IL1RAPL1: variants seen among roughly 807,000 people sequenced by gnomAD.
IL1RAPL1 encodes interleukin-1 receptor accessory protein-like 1.
A neutral mutation model predicts 48.4 loss-of-function variants in IL1RAPL1; 3 were observed. The observed-to-expected ratio is 0.06, with a 90% CI of 0.03 to 0.16. The LOEUF (loss-of-function observed/expected upper bound fraction) is 0.16, where lower values mean the gene tolerates loss of function less well. Among genes scored for constraint, IL1RAPL1 ranks in the 10% least tolerant of loss-of-function variants. The pLI, the probability that IL1RAPL1 is intolerant of heterozygous loss-of-function variation, is 1.00. For missense variants in IL1RAPL1, 349 were observed against 530.6 expected (o/e 0.66, Z 3.36); for synonymous variants, 185 against 187.7 (o/e 0.99, Z 0.12).
Position 29,685,813 on chromosome X carries a change from C to T in IL1RAPL1, c.778+17309C>T, listed in dbSNP as rs72625538. ...CGGCCTGGCCAACATACTGAAACCCCGTCTCTACTAAAAATACAAAAATTA... is the reference window on the plus strand; with the variant it reads ...CGGCCTGGCCAACATACTGAAACCCTGTCTCTACTAAAAATACAAAAATTA... On this transcript the variant is annotated intron_variant, in intron 6 of 10. Transcript: ENST00000378993. Among the ~76,000 whole-genome samples, 394 of 108,116 alleles carry T rather than the reference C, an allele frequency of 3.6e-3. 17 individuals are homozygous for T. In the East Asian group the frequency reaches 0.11, roughly 30 times the overall value. 93.9% of individuals were successfully genotyped at this position (108,116 alleles called of 115,157 possible).
chrX:29,493,754 G>A (rs1232503488), intron 5 of IL1RAPL1, among the ~76,000 whole-genome samples: 1 of 111,274 alleles, frequency 9.0e-6, no homozygotes, highest in Non-Finnish European at 1.9e-5. Context: ...CTGAGGTTTG[G>A]GGTGTGAATG....
At chrX:29,236,545 C>CTTTTTTTT (rs754996544) in intron 2 of IL1RAPL1, among the ~76,000 whole-genome samples, 9 of 63,169 alleles carry the variant, frequency 1.4e-4, no homozygotes, top group Admixed American at 2.0e-4. Flanking sequence ...CTTTTTTTTT[C>CTTTTTTTT]TTTTTTTTTT....
At chrX:28,845,382 T>TA (rs759371930) in intron 2 of IL1RAPL1, among the ~76,000 whole-genome samples, 2,028 of 111,624 alleles carry the variant, frequency 0.018, 53 homozygotes, top group African/African-American at 0.063. Context: ...TTGTACGTAT[T>TA]AAAAAAATTT....
chrX:29,160,467 A>G (rs906303763), intron 2 of IL1RAPL1, among the ~76,000 whole-genome samples: 4 of 111,992 alleles, frequency 3.6e-5, no homozygotes, highest in Non-Finnish European at 7.5e-5. Context: ...TACTAAAACG[A>G]TAGTAATAAT....
chrX:29,288,388 C>A (rs985887507), intron 3 of IL1RAPL1, among the ~76,000 whole-genome samples: 1 of 111,387 alleles, frequency 9.0e-6, no homozygotes, highest in Non-Finnish European at 1.9e-5. Context: ...TCAGTTCCTA[C>A]TTATAAGCGA....
chrX:28,643,665 T>C (rs1203831811), intron 1 of IL1RAPL1, among the ~76,000 whole-genome samples: 2 of 111,586 alleles, frequency 1.8e-5, no homozygotes, highest in South Asian at 3.7e-4. Flanking sequence ...AGTAGCTAAG[T>C]AGAAACAAAT....
chrX:28,834,005 T>C (rs2147288140), intron 2 of IL1RAPL1, among the ~76,000 whole-genome samples: 1 of 112,418 alleles, frequency 8.9e-6, no homozygotes, highest in East Asian at 2.8e-4. Context: ...TCAAATTATT[T>C]ATTGAGGTGA....
At chrX:29,517,043 C>A (rs1935453170) in intron 5 of IL1RAPL1, among the ~76,000 whole-genome samples, 1 of 111,077 alleles carries the variant, frequency 9.0e-6, no homozygotes, top group African/African-American at 3.3e-5. Context: ...CAAATGTTTT[C>A]TCCCAACTTA....
intron 6 of IL1RAPL1, among the ~76,000 whole-genome samples, chrX:29,802,793 A>G (rs80136797): frequency 0.016 from 641 of 39,620 alleles, 12 homozygotes; most frequent in African/African-American, 0.038. Context: ...GTGTGTGTGT[A>G]TATATATATA....
chrX:29,476,869 A>ATTTTTTTTTTTTTTTTTTTT (rs1934980303), intron 5 of IL1RAPL1, among the ~76,000 whole-genome samples: 1 of 49,341 alleles, frequency 2.0e-5, no homozygotes, highest in African/African-American at 1.9e-4. Flanking sequence ...TTTTACCCAT[A>ATTTTTTTTTTTTTTTTTTTT]TTCTTTTTTT....
At chrX:28,814,770 C>A (rs1476444691) in intron 2 of IL1RAPL1, among the ~76,000 whole-genome samples, 5 of 75,728 alleles carry the variant, frequency 6.6e-5, no homozygotes, top group African/African-American at 2.4e-4. Context: ...CCCTCTTTTT[C>A]TGGCTTTTCT....
intron 2 of IL1RAPL1, among the ~76,000 whole-genome samples, chrX:28,873,811 A>T (rs77445804): frequency 9.1e-6 from 1 of 109,457 alleles, no homozygotes; most frequent in South Asian, 4.0e-4. Context: ...GATTACAAGC[A>T]TGAGCCACCG....
chrX:29,044,492 T>A (rs1926913669), intron 2 of IL1RAPL1, among the ~76,000 whole-genome samples: 1 of 110,634 alleles, frequency 9.0e-6, no homozygotes. Flanking sequence ...ATTATAAGGT[T>A]AAAAAAAACA....
chrX:29,575,803 C>A (rs1922755675), intron 5 of IL1RAPL1, among the ~76,000 whole-genome samples: 1 of 111,860 alleles, frequency 8.9e-6, no homozygotes, highest in African/African-American at 3.3e-5. Context: ...AACAATTTCC[C>A]CATCTCAATA....
intron 6 of IL1RAPL1, among the ~76,000 whole-genome samples, chrX:29,786,907 G>A (rs1378384044): frequency 9.0e-6 from 1 of 111,512 alleles, no homozygotes; most frequent in African/African-American, 3.3e-5. Flanking sequence ...TACAAAGATG[G>A]CAAGGTCTGG....
At chrX:29,008,270 C>T (rs1384451642) in intron 2 of IL1RAPL1, among the ~76,000 whole-genome samples, 1 of 110,363 alleles carries the variant, frequency 9.1e-6, no homozygotes, top group Non-Finnish European at 1.9e-5. Context: ...CCCGGGTTCA[C>T]ACCATTCTCC....
intron 5 of IL1RAPL1, among the ~76,000 whole-genome samples, chrX:29,505,143 G>A (rs1031422385): frequency 1.6e-4 from 18 of 111,654 alleles, no homozygotes; most frequent in African/African-American, 5.5e-4. Flanking sequence ...CTACATTTTA[G>A]CTACATCCCC....
intron 2 of IL1RAPL1, among the ~76,000 whole-genome samples, chrX:29,133,493 T>G (rs1409131058): frequency 1.8e-5 from 2 of 109,092 alleles, no homozygotes; most frequent in African/African-American, 3.3e-5. Flanking sequence ...ATGCTTTAGG[T>G]TTTTTTTTGG....
intron 6 of IL1RAPL1, among the ~76,000 whole-genome samples, chrX:29,697,534 G>A (rs1926944203): frequency 8.9e-6 from 1 of 111,946 alleles, no homozygotes; most frequent in African/African-American, 3.2e-5. Context: ...TGCTTGTGGT[G>A]TGTACTACCT....
Sources: allele counts gnomAD v4.1 joint callset (sites outside exome capture counted in the v4.1 genomes callset), GRCh38; gene constraint gnomAD v4.1.1; transcripts MANE v1.5; gene names NCBI Gene and HGNC (gene_info 2026-07-23, HGNC 2026-07-21).